The following GIN1 variants were observed in gnomAD, a reference collection of about 807,000 sequenced individuals.
GIN1 encodes the protein gypsy retrotransposon integrase 1.
In GIN1, 41 loss-of-function variants were observed where a neutral mutation model predicts 51.4. That is an observed-to-expected ratio of 0.80 (90% CI 0.62 to 1.04). GIN1 has a LOEUF of 1.04. Ranked by LOEUF, GIN1 falls within the 50% of genes least tolerant of loss-of-function variation. The pLI, the probability that GIN1 is intolerant of heterozygous loss-of-function variation, is 0.00. For missense variants in GIN1, 610 were observed against 612.4 expected (o/e 1.00, Z 0.04); for synonymous variants, 222 against 206.5 (o/e 1.07, Z -0.64).
rs540418630 is a variant in GIN1, at chr5:103,114,725, C to T, written c.-8+5339G>A. On this transcript the variant is annotated intron_variant, in intron 1 of 7. Transcript: ENST00000399004. ...CACAGTAATATGTGTCAACCTTTAT[C>T]ATAAAATCTGAAACACTCTATTGAA... is the stretch of plus-strand genomic sequence containing the variant. Among the ~76,000 whole-genome samples the T allele has an allele frequency of 3.3e-5, 5 of 152,282 alleles. No individual in the cohort carries two copies. In the East Asian group the frequency reaches 9.6e-4, roughly 29 times the overall value.
rs1477555766 is a variant in GIN1, at chr5:103,096,591, G to C, written c.1244C>G (p.Pro415Arg). Reference sequence around the variant, plus strand: ...GGGCTTAAGGTGGGACATTTTGATAGGTCTTTTCAGTCTAACCCCAGTGTT... The same window carrying C: ...GGGCTTAAGGTGGGACATTTTGATACGTCTTTTCAGTCTAACCCCAGTGTT... ...RDNTGVRLKR[P>R]IKMSHLKPYI... is the part of the protein sequence containing the mutation. Residue 415 changes from proline (P) to arginine (R), a missense_variant, in exon 7 of 8, where the codon CCT becomes CGT. Pro to Arg is a moderately radical substitution (Grantham distance 103). Transcript: ENST00000399004. 1.2e-6 allele frequency: 2 copies of C among 1,613,214 alleles called. No individual in the cohort carries two copies. Among genetic ancestry groups the C allele is most frequent in the Non-Finnish European group, 1.7e-6 (2 of 1,179,370 alleles).
At chr5:103,111,804 CTT>C (rs1787892932) in intron 1 of GIN1, among the ~76,000 whole-genome samples, 1 of 152,142 alleles carries the variant, frequency 6.6e-6, no homozygotes, top group African/African-American at 2.4e-5. Context: ...CCTACCATCT[CTT>C]GTCTTCCTCC....
At chr5:103,092,790 G>A (rs1289522420) in intron 7 of GIN1, among the ~76,000 whole-genome samples, 1 of 151,258 alleles carries the variant, frequency 6.6e-6, no homozygotes. Context: ...TATAAAAAAC[G>A]AAAAACTCAG....
Position 103,106,921 on chromosome 5 carries a change from G to T in GIN1, c.140-12C>A. On this transcript the variant is annotated splice_polypyrimidine_tract_variant and intron_variant, in intron 2 of 7. Transcript: ENST00000399004. ...AAACAGCTTTTTTTCTGGAATAAAT[G>T]ATACCAAAAGATAGAATTGCAATTT... is the stretch of plus-strand genomic sequence containing the variant. 3 of 1,417,308 alleles carry T rather than the reference G, an allele frequency of 2.1e-6. No individual in the cohort carries two copies. Among genetic ancestry groups the T allele is most frequent in the South Asian group, 1.3e-5 (1 of 75,454 alleles). 87.8% of individuals were successfully genotyped at this position (1,417,308 alleles called of 1,614,324 possible).
Position 103,099,691 on chromosome 5 carries a change from G to A in GIN1, c.640-1910C>T, listed in dbSNP as rs552356708. On this transcript the variant is annotated intron_variant, in intron 4 of 7. Coordinates refer to ENST00000399004, the MANE Select transcript of GIN1 (RefSeq NM_017676.2). ...CCCCAACCATCAAACCAGATATTCCGTCAGTTCTTACAATTTTAGTTTTCT... is the reference window on the plus strand; with the variant it reads ...CCCCAACCATCAAACCAGATATTCCATCAGTTCTTACAATTTTAGTTTTCT... Among the ~76,000 whole-genome samples, 129 of 152,198 alleles carry A rather than the reference G, an allele frequency of 8.5e-4. 1 individual carries two copies. Among genetic ancestry groups the A allele is most frequent in the African/African-American group, 2.9e-3 (120 of 41,520 alleles).
At chr5:103,104,988 A>C (rs1404474909) in intron 3 of GIN1, 142 bp from the exon 4 acceptor site, 2 of 588,526 alleles carry the variant, frequency 3.4e-6, no homozygotes, top group African/African-American at 3.7e-5. Context: ...ACTGAGAATC[A>C]CTGGATTAAA....
At chr5:103,107,081 T>C (rs1373234683) in intron 2 of GIN1, among the ~76,000 whole-genome samples, 172 bp from the exon 3 acceptor site, 2 of 152,078 alleles carry the variant, frequency 1.3e-5, no homozygotes, top group African/African-American at 4.8e-5. Context: ...CAAAGGTTCT[T>C]AGCTGTTACA....
At chr5:103,105,307 C>T (rs1330342536) in intron 3 of GIN1, among the ~76,000 whole-genome samples, 1 of 152,024 alleles carries the variant, frequency 6.6e-6, no homozygotes, top group Non-Finnish European at 1.5e-5. Context: ...GACTATACTA[C>T]CAAATGACCA....
chr5:103,098,220 C>A (rs560711039), intron 4 of GIN1, among the ~76,000 whole-genome samples: 1 of 152,188 alleles, frequency 6.6e-6, no homozygotes, highest in South Asian at 2.1e-4. Context: ...TCTATATGAA[C>A]ACATACATAA....
intron 1 of GIN1, among the ~76,000 whole-genome samples, chr5:103,114,143 C>T (rs1554197162): frequency 6.6e-6 from 1 of 152,110 alleles, no homozygotes; most frequent in East Asian, 1.9e-4. Context: ...GGTGTAATTT[C>T]CTGCAGAGTG....
intron 1 of GIN1, among the ~76,000 whole-genome samples, chr5:103,117,160 TA>T (rs1352434657): frequency 1.3e-5 from 2 of 152,002 alleles, no homozygotes; most frequent in Non-Finnish European, 2.9e-5. Context: ...GGTGAATGGA[TA>T]AACAAATTAC....
chr5:103,113,045 G>C lies in GIN1; in HGVS notation c.-7-4331C>G, dbSNP rs150765858. ...TGGAAAAGGAGGAAAAGCACTGATT[G>C]TAGATGAGGTAGAACCTTGAACTTT... is the stretch of plus-strand genomic sequence containing the variant. On this transcript the variant is annotated intron_variant, in intron 1 of 7. Coordinates refer to ENST00000399004, the MANE Select transcript of GIN1 (RefSeq NM_017676.2). Among the ~76,000 whole-genome samples the C allele has an allele frequency of 1.1e-3, 160 of 152,186 alleles. No individual in the cohort carries two copies. The Middle Eastern group carries it at 0.014, about 13-fold the overall frequency.
intron 7 of GIN1, among the ~76,000 whole-genome samples, chr5:103,096,123 C>T (rs1344521207): frequency 2.0e-5 from 3 of 151,954 alleles, no homozygotes; most frequent in African/African-American, 4.8e-5. Context: ...GGGCAGGTCA[C>T]GGGAGGTCAG....
chr5:103,100,112 A>AT (rs782290428), intron 4 of GIN1, among the ~76,000 whole-genome samples: 6,849 of 144,922 alleles, frequency 0.047, 485 homozygotes, highest in African/African-American at 0.16. Context: ...TTTATTTTTT[A>AT]TTTTTTTTTT....
chr5:103,116,570 T>A (rs1459814566), intron 1 of GIN1, among the ~76,000 whole-genome samples: 1 of 152,042 alleles, frequency 6.6e-6, no homozygotes, highest in Non-Finnish European at 1.5e-5. Flanking sequence ...GGGTAATGGC[T>A]TCCCAGACAG....
chr5:103,113,833 C>T (rs1427742919), intron 1 of GIN1, among the ~76,000 whole-genome samples: 2 of 152,140 alleles, frequency 1.3e-5, no homozygotes, highest in African/African-American at 2.4e-5. Flanking sequence ...CAAGGTCCAA[C>T]CTCTTAATAC....
intron 7 of GIN1, among the ~76,000 whole-genome samples, chr5:103,089,570 C>G (rs1787179118): frequency 6.6e-6 from 1 of 152,148 alleles, no homozygotes; most frequent in Admixed American, 6.5e-5. Context: ...GATCCTCCCA[C>G]CTCAGCCTCC....
chr5:103,119,080 A>G (rs1293690115), intron 1 of GIN1, among the ~76,000 whole-genome samples: 5 of 152,212 alleles, frequency 3.3e-5, no homozygotes, highest in African/African-American at 1.2e-4. Flanking sequence ...TCCCCTCCAT[A>G]AAAGCAAATA....
chr5:103,110,038 G>GA (rs1787829034), intron 1 of GIN1, among the ~76,000 whole-genome samples: 2 of 151,988 alleles, frequency 1.3e-5, no homozygotes, highest in Middle Eastern at 3.4e-3. Context: ...TGTATTAGGG[G>GA]AAAAAATGAA....
Sources: gnomAD v4.1 joint callset for allele counts (sites outside exome capture counted in the v4.1 genomes callset) on GRCh38, gnomAD v4.1.1 for gene constraint, MANE v1.5 for transcripts, NCBI Gene and HGNC (gene_info 2026-07-23, HGNC 2026-07-21) for gene names.